The following CSMD2 variants were observed in gnomAD, a reference collection of about 807,000 sequenced individuals.
CSMD2 encodes CUB and Sushi multiple domains 2, also known as CUB and sushi domain-containing protein 2.
CSMD2 carries 130 observed loss-of-function variants against 398.5 expected under a neutral mutation model. The ratio of observed to expected loss-of-function variants is 0.33; its 90% confidence interval spans 0.28 to 0.38. The LOEUF (loss-of-function observed/expected upper bound fraction) is 0.38, where lower values mean the gene tolerates loss of function less well. Among genes scored for constraint, CSMD2 ranks in the 10% least tolerant of loss-of-function variants. The probability of loss-of-function intolerance (pLI) is 1.00; values close to 1 mark genes in which losing one functional copy is unlikely to be tolerated. For missense variants in CSMD2, 3,829 were observed against 4,764.9 expected, an observed-to-expected ratio of 0.80 and a Z score of 5.78; for synonymous variants, 1,828 against 1,908.5, an observed-to-expected ratio of 0.96 and a Z score of 1.10.
chr1:34,054,865 T>A (rs1224149923), intron 2 of CSMD2, among the ~76,000 whole-genome samples: 1 of 152,318 alleles, frequency 6.6e-6, no homozygotes, highest in East Asian at 1.9e-4. Context: ...GAACTACGTC[T>A]CTGTAAGGAG....
intron 2 of CSMD2, among the ~76,000 whole-genome samples, chr1:34,056,905 T>C (rs892730598): frequency 3.9e-5 from 6 of 152,126 alleles, no homozygotes; most frequent in Admixed American, 3.9e-4. Flanking sequence ...TTGAGCTAAA[T>C]CCCATTGGGG....
intron 5 of CSMD2, among the ~76,000 whole-genome samples, chr1:33,861,959 AT>A (rs2125115755): frequency 6.6e-6 from 1 of 151,846 alleles, no homozygotes; most frequent in South Asian, 2.1e-4. Flanking sequence ...TGAGGGCCCC[AT>A]TGACCAAAGT....
At chr1:33,539,693 TA>T (rs1261222049) in intron 60 of CSMD2, among the ~76,000 whole-genome samples, 1 of 152,176 alleles carries the variant, frequency 6.6e-6, no homozygotes, top group Non-Finnish European at 1.5e-5. Flanking sequence ...ATGATGACCA[TA>T]ATTCATTGTT....
chr1:34,038,063 G>A (rs1253053849), intron 2 of CSMD2, among the ~76,000 whole-genome samples: 2 of 152,102 alleles, frequency 1.3e-5, no homozygotes, highest in Admixed American at 6.5e-5. Context: ...CTGGGGGAGG[G>A]GATGGGAAAT....
chr1:33,740,295 TCTATTTTCACCCC>T (rs1647016302), intron 14 of CSMD2, among the ~76,000 whole-genome samples: 2 of 71,746 alleles, frequency 2.8e-5, no homozygotes, highest in South Asian at 4.3e-4. Flanking sequence ...GAAGCCAGGC[TCTATTTTCACCCC>T]GAAGCCAGGC....
At position 34,103,314 on chromosome 1, in the gene CSMD2, T is replaced by TTC. The variant is rs1553316154; in HGVS notation, c.188-14122_188-14121insGA. 2.9e-3 allele frequency among the ~76,000 whole-genome samples: 338 copies of TTC among 114,660 alleles called. 30 individuals are homozygous for TTC. The highest frequency in any genetic ancestry group is 4.5e-3 in the African/African-American group (141 of 31,620). The allele number at this position is 114,660 out of a possible 152,430, so 75.2% of individuals were successfully genotyped here. A position where few individuals can be genotyped will look rare whatever the true frequency, so the allele number is the denominator to read the frequency against. On this transcript the variant is annotated intron_variant, in intron 1 of 70. Coordinates refer to ENST00000373381, the MANE Select transcript of CSMD2 (RefSeq NM_001281956.2). ...CTTTTTTTTTTTTTTTTTTTTTCTT[T>TTC]CTGAGCCAGATTCTCGCTCTGTCAA...
chr1:33,978,523 G>GCAGGGT (rs1162134599), intron 3 of CSMD2, among the ~76,000 whole-genome samples: 2 of 152,142 alleles, frequency 1.3e-5, no homozygotes, highest in Non-Finnish European at 2.9e-5. Flanking sequence ...AGCCAGACCT[G>GCAGGGT]CAGGGTCAGG....
At chr1:33,972,283 G>A (rs1302253258) in intron 3 of CSMD2, among the ~76,000 whole-genome samples, 2 of 152,174 alleles carry the variant, frequency 1.3e-5, no homozygotes, top group African/African-American at 4.8e-5. Flanking sequence ...TGTGGCTGGT[G>A]CCATTAGAGT....
rs1297359882 is a variant in CSMD2 at position 33,715,610 on chromosome 1, A to C, written c.3217+676T>G. Among the ~76,000 whole-genome samples, 4 of 152,278 alleles carry C rather than the reference A, an allele frequency of 2.6e-5. No individual in the cohort carries two copies. The East Asian group carries it at 7.7e-4, about 29-fold the overall frequency. On this transcript the variant is annotated intron_variant, in intron 20 of 70. Coordinates refer to ENST00000373381, the MANE Select transcript of CSMD2 (RefSeq NM_001281956.2). Reference sequence around the variant, plus strand: ...GCCTGGCAGGGGACTAAGCTGGGCCACACCCCAGTTCCTAGAAGCTGGATA... The same window carrying C: ...GCCTGGCAGGGGACTAAGCTGGGCCCCACCCCAGTTCCTAGAAGCTGGATA...
intron 55 of CSMD2, among the ~76,000 whole-genome samples, chr1:33,551,996 C>G (rs1244647653): frequency 1.3e-5 from 2 of 152,164 alleles, no homozygotes; most frequent in Admixed American, 1.3e-4. Context: ...GAGGCCATCT[C>G]GGATCTTCTA....
intron 57 of CSMD2, among the ~76,000 whole-genome samples, chr1:33,545,087 A>C (rs1187386044): frequency 6.6e-6 from 1 of 151,990 alleles, no homozygotes; most frequent in East Asian, 1.9e-4. Flanking sequence ...GCCATTACAC[A>C]CTTCCCAATT....
chr1:34,157,856 T>C (rs1450724131), intron 1 of CSMD2, among the ~76,000 whole-genome samples: 2 of 152,136 alleles, frequency 1.3e-5, no homozygotes, highest in Non-Finnish European at 2.9e-5. Context: ...CCACTCCATC[T>C]CCTTCCCTCT....
chr1:34,130,010 T>A (rs1263743530), intron 1 of CSMD2, among the ~76,000 whole-genome samples: 1 of 152,156 alleles, frequency 6.6e-6, no homozygotes, highest in African/African-American at 2.4e-5. Context: ...AACATGAGAC[T>A]CCAGGCCCTG....
intron 5 of CSMD2, among the ~76,000 whole-genome samples, chr1:33,898,364 CA>C (rs1448054199): frequency 6.6e-6 from 1 of 152,140 alleles, no homozygotes; most frequent in Non-Finnish European, 1.5e-5. Flanking sequence ...TTGTTTTAGA[CA>C]AAAACACAAC....
chr1:34,093,848 C>T (rs1251365223), intron 1 of CSMD2, among the ~76,000 whole-genome samples: 221 of 152,082 alleles, frequency 1.5e-3, no homozygotes, highest in African/African-American at 4.6e-3. Flanking sequence ...GATATTATCC[C>T]GGAGAATTTC....
chr1:34,070,635 T>C (rs1655632052), intron 2 of CSMD2, among the ~76,000 whole-genome samples: 1 of 152,200 alleles, frequency 6.6e-6, no homozygotes, highest in South Asian at 2.1e-4. Flanking sequence ...GGTGGAGCTT[T>C]GCGGTAGTGG....
At chr1:33,552,067 A>AC (rs1284872505) in intron 55 of CSMD2, among the ~76,000 whole-genome samples, 1 of 152,078 alleles carries the variant, frequency 6.6e-6, no homozygotes, top group African/African-American at 2.4e-5. Context: ...TCTCTACTAA[A>AC]CCCTGCCAGA....
chr1:34,027,920 A>AGGG (rs147088083), intron 3 of CSMD2, among the ~76,000 whole-genome samples: 18,654 of 152,052 alleles, frequency 0.12, 1,745 homozygotes, highest in East Asian at 0.38. Context: ...CAGGAGGAGG[A>AGGG]GGAGGAGGTA....
At chr1:33,665,336 A>T (rs180817011) in intron 25 of CSMD2, among the ~76,000 whole-genome samples, 1 of 152,200 alleles carries the variant, frequency 6.6e-6, no homozygotes, top group Admixed American at 6.5e-5. Context: ...TTTTCCTTTA[A>T]GGATACTGGA....
Sources: allele counts gnomAD v4.1 joint callset (sites outside exome capture counted in the v4.1 genomes callset), GRCh38; gene constraint gnomAD v4.1.1; transcripts MANE v1.5; gene names NCBI Gene and HGNC (gene_info 2026-07-23, HGNC 2026-07-21).